The following GALNT13 variants were observed in gnomAD, a reference collection of about 807,000 sequenced individuals.
GALNT13 encodes the protein UDP-GalNAc:polypeptide N-acetylgalactosaminyltransferase 13.
In GALNT13, 28 loss-of-function variants were observed where a neutral mutation model predicts 64.2. That is an observed-to-expected ratio of 0.44 (90% CI 0.32 to 0.60). The LOEUF is 0.60. Among genes scored for constraint, GALNT13 ranks in the 20% least tolerant of loss-of-function variants. The probability of loss-of-function intolerance (pLI) is 0.05; values close to 1 mark genes in which losing one functional copy is unlikely to be tolerated. For missense variants in GALNT13, 577 were observed against 669.8 expected, an observed-to-expected ratio of 0.86 and a Z score of 1.53; for synonymous variants, 214 against 224.6, an observed-to-expected ratio of 0.95 and a Z score of 0.42.
chr2:154,218,341 G>A (rs927531973), intron 4 of GALNT13, among the ~76,000 whole-genome samples: 8 of 151,962 alleles, frequency 5.3e-5, no homozygotes, highest in Non-Finnish European at 1.0e-4. Context: ...CTTCTCTCCT[G>A]ACTCTTGGCC....
At chr2:153,804,162 TTTG>T in the GALNT13 span, among the ~76,000 whole-genome samples, 10 of 152,102 alleles carry the variant, frequency 6.6e-5, no homozygotes, top group South Asian at 6.2e-4. Context: ...AAGTAAGGTT[TTTG>T]TTGTTGTTGT....
intron 7 of GALNT13, among the ~76,000 whole-genome samples, chr2:154,251,250 T>C (rs571541550): frequency 1.3e-5 from 2 of 152,204 alleles, no homozygotes; most frequent in South Asian, 4.1e-4. Flanking sequence ...ATTGTTTATT[T>C]TGATCCCTCG....
intron 12 of GALNT13, among the ~76,000 whole-genome samples, chr2:154,440,878 G>A (rs541634383): frequency 6.2e-4 from 95 of 152,164 alleles, no homozygotes; most frequent in South Asian, 3.7e-3. Flanking sequence ...TGAGAAGGTC[G>A]TTAAAAAGGA....
chr2:153,193,317 G>T, the GALNT13 span, among the ~76,000 whole-genome samples: 1 of 150,974 alleles, frequency 6.6e-6, no homozygotes, highest in African/African-American at 2.5e-5. Context: ...GATGAAATTG[G>T]AAATCATTCT....
chr2:154,058,179 C>G (rs1162985649), intron 3 of GALNT13, among the ~76,000 whole-genome samples: 1 of 152,118 alleles, frequency 6.6e-6, no homozygotes, highest in Non-Finnish European at 1.5e-5. Flanking sequence ...AGAGCTCATA[C>G]TCTCTCTCAA....
chr2:154,254,271 G>T (rs1210701700), intron 7 of GALNT13, among the ~76,000 whole-genome samples: 1 of 152,210 alleles, frequency 6.6e-6, no homozygotes, highest in African/African-American at 2.4e-5. Flanking sequence ...AGAGGAGCTC[G>T]TTGGGTAGCC....
At chr2:153,090,347 G>A in the GALNT13 span, among the ~76,000 whole-genome samples, 1 of 152,222 alleles carries the variant, frequency 6.6e-6, no homozygotes, top group South Asian at 2.1e-4. Context: ...TCTGGTGGAG[G>A]TGGCAGGGGA....
the GALNT13 span, among the ~76,000 whole-genome samples, chr2:153,168,238 A>G: frequency 6.6e-6 from 1 of 152,176 alleles, no homozygotes; most frequent in African/African-American, 2.4e-5. Flanking sequence ...TAGAACAGAG[A>G]CTATTTCTAA....
At chr2:154,137,081 G>A (rs1682998899) in intron 3 of GALNT13, among the ~76,000 whole-genome samples, 1 of 151,998 alleles carries the variant, frequency 6.6e-6, no homozygotes, top group Non-Finnish European at 1.5e-5. Flanking sequence ...ATTTAAAGGT[G>A]CTTAAGACCA....
At chr2:153,898,961 A>G (rs1450255360) in intron 1 of GALNT13, among the ~76,000 whole-genome samples, 1 of 151,990 alleles carries the variant, frequency 6.6e-6, no homozygotes, top group African/African-American at 2.4e-5. Flanking sequence ...GATGGTTTGT[A>G]AAAGTAGGAA....
chr2:154,002,656 A>G (rs1373344163), intron 3 of GALNT13, among the ~76,000 whole-genome samples: 2 of 151,990 alleles, frequency 1.3e-5, no homozygotes, highest in African/African-American at 2.4e-5. Context: ...TGGCTCCATT[A>G]CTGGAGCTTT....
the GALNT13 span, among the ~76,000 whole-genome samples, chr2:153,511,407 TG>T: frequency 6.6e-6 from 1 of 151,952 alleles, no homozygotes; most frequent in East Asian, 1.9e-4. Context: ...AAACCGAGCA[TG>T]GGGGTATAGA....
the GALNT13 span, among the ~76,000 whole-genome samples, chr2:153,412,157 G>A: frequency 6.6e-6 from 1 of 152,108 alleles, no homozygotes; most frequent in Admixed American, 6.5e-5. Flanking sequence ...CAAGCTTGCA[G>A]ACAGCCTATT....
intron 9 of GALNT13, among the ~76,000 whole-genome samples, chr2:154,376,802 A>G (rs926975705): frequency 6.6e-6 from 1 of 152,142 alleles, no homozygotes; most frequent in African/African-American, 2.4e-5. Flanking sequence ...GTGAGGTTGA[A>G]GAAATAAAGC....
intron 8 of GALNT13, among the ~76,000 whole-genome samples, chr2:154,272,807 C>T (rs971210477): frequency 6.6e-5 from 10 of 151,932 alleles, no homozygotes; most frequent in East Asian, 1.9e-4. Flanking sequence ...TATATGCTGC[C>T]GTGAATTGAC....
At chr2:153,814,358 T>A in the GALNT13 span, among the ~76,000 whole-genome samples, 1 of 152,140 alleles carries the variant, frequency 6.6e-6, no homozygotes, top group Admixed American at 6.5e-5. Context: ...GAGAATGGCG[T>A]GAACCCGGGA....
At chr2:153,833,148 A>T in the GALNT13 span, among the ~76,000 whole-genome samples, 1 of 152,094 alleles carries the variant, frequency 6.6e-6, no homozygotes, top group Non-Finnish European at 1.5e-5. Flanking sequence ...CCTGCCACCT[A>T]GTCATTTAGT....
chr2:153,120,256 C>A, the GALNT13 span, among the ~76,000 whole-genome samples: 1 of 152,138 alleles, frequency 6.6e-6, no homozygotes, highest in African/African-American at 2.4e-5. Flanking sequence ...ACACAAGGAC[C>A]CCACCCAACT....
chr2:153,773,811 C>G, the GALNT13 span, among the ~76,000 whole-genome samples: 1 of 152,194 alleles, frequency 6.6e-6, no homozygotes, highest in Non-Finnish European at 1.5e-5. Flanking sequence ...ATCTAACTCA[C>G]AGTTGAACAA....
Sources: gnomAD v4.1 joint callset for allele counts (sites outside exome capture counted in the v4.1 genomes callset) on GRCh38, gnomAD v4.1.1 for gene constraint, MANE v1.5 for transcripts, NCBI Gene and HGNC (gene_info 2026-07-23, HGNC 2026-07-21) for gene names.